The following RXFP2 variants were observed in gnomAD, a reference collection of about 807,000 sequenced individuals.
RXFP2 encodes the protein relaxin receptor 2.
In RXFP2, 68 loss-of-function variants were observed where a neutral mutation model predicts 88.6. The ratio of observed to expected loss-of-function variants is 0.77; its 90% CI spans 0.63 to 0.94. The LOEUF (loss-of-function observed/expected upper bound fraction) is 0.94, where lower values mean the gene tolerates loss of function less well. Ranked by LOEUF, RXFP2 falls within the 40% of genes least tolerant of loss-of-function variation. RXFP2 has a pLI of 0.00. For synonymous variants in RXFP2, 329 were observed against 306.8 expected, an observed-to-expected ratio of 1.07 and a Z score of -0.76; for missense variants, 791 against 893.9, an observed-to-expected ratio of 0.88 and a Z score of 1.47.
chr13:31,781,758 A>G lies in RXFP2; in HGVS notation c.857+16A>G. 1 of 1,584,674 alleles carries G rather than the reference A, an allele frequency of 6.3e-7. No homozygotes were observed. The highest frequency in any genetic ancestry group is 1.1e-5 in the South Asian group (1 of 90,060). On this transcript the variant is annotated intron_variant, in intron 10 of 17. Coordinates refer to ENST00000298386, the MANE Select transcript of RXFP2 (RefSeq NM_130806.5). ...TCACAGTGCTGTAAGTATACAATGG[A>G]CTTCACTAAATGAGGGGAAACCCTA...
At chr13:31,799,735 GC>G (rs1241472073) in intron 17 of RXFP2, among the ~76,000 whole-genome samples, 1 of 152,086 alleles carries the variant, frequency 6.6e-6, no homozygotes, top group African/African-American at 2.4e-5. Flanking sequence ...CTTCTTTGAG[GC>G]TTTTTCTGTC....
chr13:31,782,729 T>C lies in RXFP2; in HGVS notation c.911T>C (p.Leu304Ser). The C allele has an allele frequency of 6.2e-7, 1 of 1,602,380 alleles. No homozygotes were observed. Among genetic ancestry groups the C allele is most frequent in the South Asian group, 1.1e-5 (1 of 90,850 alleles). Residue 304 changes from leucine to serine, a missense_variant, in exon 11 of 18, where the codon TTA becomes TCA. Leu to Ser is a moderately radical substitution (Grantham distance 145). Transcript: ENST00000298386. ...GTTCCAGAGAAGACATTTTCTTCAT[T>C]AAAAAATTTAGGAGAACTGTAAGTA... ...GFVPEKTFSS[L>S]KNLGELDLSS...
At chr13:31,742,508 G>A (rs530811632) in intron 1 of RXFP2, among the ~76,000 whole-genome samples, 157 of 152,304 alleles carry the variant, frequency 1.0e-3, no homozygotes, top group African/African-American at 3.3e-3. Flanking sequence ...CCCACTGTGA[G>A]GGAGGAGGAA....
intron 1 of RXFP2, among the ~76,000 whole-genome samples, chr13:31,756,782 G>A (rs1220843783): frequency 6.6e-6 from 1 of 151,958 alleles, no homozygotes; most frequent in Non-Finnish European, 1.5e-5. Flanking sequence ...CACCATGCCT[G>A]ACTAATTTTT....
At chr13:31,796,702 G>A (rs1047071261) in intron 16 of RXFP2, among the ~76,000 whole-genome samples, 1 of 152,144 alleles carries the variant, frequency 6.6e-6, no homozygotes, top group Admixed American at 6.5e-5. Context: ...CCTTGAACCT[G>A]GGTTTTACCT....
intron 13 of RXFP2, among the ~76,000 whole-genome samples, chr13:31,787,671 G>A (rs1308656247): frequency 5.9e-5 from 9 of 151,284 alleles, no homozygotes; most frequent in Non-Finnish European, 1.3e-4. Flanking sequence ...ACAGAGTCTC[G>A]CCCTGTCGCC....
chr13:31,762,280 G>A (rs987766205), intron 3 of RXFP2, among the ~76,000 whole-genome samples: 1 of 152,226 alleles, frequency 6.6e-6, no homozygotes, highest in East Asian at 1.9e-4. Context: ...TGGCTGTGCT[G>A]AGGATGGGGA....
rs552038307 is a variant in RXFP2, at chr13:31,793,222, A to T, written c.1786+134A>T. The T allele has an allele frequency of 3.2e-4, 248 of 783,076 alleles. 1 individual carries two copies. In the African/African-American group the frequency reaches 3.7e-3, roughly 12 times the overall value. 48.5% of individuals were successfully genotyped at this position (783,076 alleles called of 1,614,324 possible). The stretch of plus-strand genomic sequence containing the variant: ...GACTGTGTCCTTTTTCACACAAAAA[A>T]GTTTTTACTATTGTGTTTATTGAAG... On this transcript the variant is annotated intron_variant, in intron 16 of 17. Transcript: ENST00000298386.
rs1872237548 is a variant in RXFP2 at position 31,760,175 on chromosome 13, G to A, written c.242-1549G>A. On this transcript the variant is annotated intron_variant, in intron 2 of 17. Coordinates refer to ENST00000298386, the MANE Select transcript of RXFP2 (RefSeq NM_130806.5). ...GTGATCTCAGCTCACTGCAACCTCT[G>A]CCTCCTGGGTTCAAGTGATTCTCCT... Among the ~76,000 whole-genome samples the A allele has an allele frequency of 2.0e-5, 3 of 152,042 alleles. No homozygotes were observed. The South Asian group carries it at 6.2e-4, about 31-fold the overall frequency.
Position 31,792,773 on chromosome 13 carries a change from G to T in RXFP2, c.1471G>T (p.Glu491Ter), listed in dbSNP as rs371734308. The change falls in exon 16 of 18, where the codon GAG (glutamate) becomes TAG (stop). Residue 491 changes from glutamate to a stop codon, truncating the protein, a stop_gained. Coordinates refer to ENST00000298386, the MANE Select transcript of RXFP2 (RefSeq NM_130806.5). LOFTEE classifies it high-confidence loss of function. ...TCAGAAGTATGCCTTGCTGTGGATGGAGAGCGTGCAGTGCCGCCTCATGGG... is the reference window on the plus strand; with the variant it reads ...TCAGAAGTATGCCTTGCTGTGGATGTAGAGCGTGCAGTGCCGCCTCATGGG... ...QYQKYALLWM[E>*]SVQCRLMGFL... 5 of 1,614,126 alleles carry T rather than the reference G, an allele frequency of 3.1e-6. No individual in the cohort carries two copies. Among genetic ancestry groups the T allele is most frequent in the Non-Finnish European group, 4.2e-6 (5 of 1,180,032 alleles).
intron 1 of RXFP2, 78 bp downstream of exon 1, chr13:31,739,784 A>G (rs1871153325): frequency 1.1e-6 from 1 of 922,790 alleles, no homozygotes; most frequent in Admixed American, 1.8e-5. Context: ...TGGCAGTTGT[A>G]ATAAATATAT....
At chr13:31,748,190 C>G (rs1400890932) in intron 1 of RXFP2, among the ~76,000 whole-genome samples, 1 of 152,156 alleles carries the variant, frequency 6.6e-6, no homozygotes, top group Non-Finnish European at 1.5e-5. Context: ...CTGCTGTGAA[C>G]ATTCTTGTAT....
intron 3 of RXFP2, among the ~76,000 whole-genome samples, chr13:31,762,595 A>G (rs1872351027): frequency 6.6e-6 from 1 of 152,174 alleles, no homozygotes; most frequent in African/African-American, 2.4e-5. Context: ...TAGATATATA[A>G]TTAGGAAGAT....
At chr13:31,794,762 A>C (rs1210420843) in intron 16 of RXFP2, among the ~76,000 whole-genome samples, 1 of 152,172 alleles carries the variant, frequency 6.6e-6, no homozygotes, top group African/African-American at 2.4e-5. Flanking sequence ...CCCAGGCTCA[A>C]AGCCAGGGAA....
intron 2 of RXFP2, among the ~76,000 whole-genome samples, chr13:31,759,751 C>T (rs1377460018): frequency 6.6e-6 from 1 of 152,192 alleles, no homozygotes; most frequent in Non-Finnish European, 1.5e-5. Context: ...CAGAGAGCTA[C>T]CTCTCTTCAG....
intron 11 of RXFP2, among the ~76,000 whole-genome samples, chr13:31,785,090 A>T (rs1447295714): frequency 6.6e-6 from 1 of 152,164 alleles, no homozygotes; most frequent in Non-Finnish European, 1.5e-5. Context: ...AATGGGCCGA[A>T]GAATCACATG....
chr13:31,797,422 C>A lies in RXFP2; in HGVS notation c.2005+3C>A. 2 of 1,606,270 alleles carry A rather than the reference C, an allele frequency of 1.2e-6. No individual in the cohort carries two copies. Among genetic ancestry groups the A allele is most frequent in the Non-Finnish European group, 1.7e-6 (2 of 1,173,062 alleles). ...CCTCTTCCGGGTGGAAATACCAGGT[C>A]AGTCTCTTCTATCATTCCCAAGTAT... On this transcript the variant is annotated splice_donor_region_variant and intron_variant, in intron 17 of 17. Transcript: ENST00000298386.
Position 31,802,217 on chromosome 13 carries a change from C to T in RXFP2, c.2077C>T (p.Leu693Phe). 6.2e-7 allele frequency: 1 copy of T among 1,613,806 alleles called. No individual in the cohort carries two copies. Among genetic ancestry groups the T allele is most frequent in the Non-Finnish European group, 8.5e-7 (1 of 1,179,834 alleles). ...TGCTTTGAATCCAATCCTCTATACT[C>T]TCACAACCAACTTTTTTAAGGACAA... ...NSALNPILYT[L>F]TTNFFKDKLK... is the part of the protein sequence containing the mutation. Residue 693 changes from leucine to phenylalanine, a missense_variant, in exon 18 of 18, where the codon CTC (leucine) becomes TTC (phenylalanine). By Grantham distance (22) the Leu-to-Phe change is conservative. Transcript: ENST00000298386.
At chr13:31,771,478 A>G (rs960496591) in intron 5 of RXFP2, among the ~76,000 whole-genome samples, 2 of 152,122 alleles carry the variant, frequency 1.3e-5, no homozygotes, top group African/African-American at 4.8e-5. Context: ...TCATCCTGAA[A>G]CCATCCCCCC....
Sources: gnomAD v4.1 joint callset for allele counts (sites outside exome capture counted in the v4.1 genomes callset) on GRCh38, gnomAD v4.1.1 for gene constraint, MANE v1.5 for transcripts, NCBI Gene and HGNC (gene_info 2026-07-23, HGNC 2026-07-21) for gene names.